Variants in RNASE10 observed in about 807,000 individuals in gnomAD.
The protein encoded by RNASE10 is inactive ribonuclease-like protein 10.
Under a neutral mutation model 1.1 loss-of-function variants are expected in RNASE10, and 2 were observed. That is an observed-to-expected ratio of 1.82 (90% confidence interval 0.74 to 5.73). RNASE10 has a LOEUF of 5.73. Ranked by LOEUF, RNASE10 falls within the 30% of genes most tolerant of loss-of-function variation. The probability of loss-of-function intolerance (pLI) is 0.05; values close to 1 mark genes in which losing one functional copy is unlikely to be tolerated. For synonymous variants in RNASE10, 97 were observed against 96.2 expected, an observed-to-expected ratio of 1.01 and a Z score of -0.05; for missense variants, 276 against 263.4, an observed-to-expected ratio of 1.05 and a Z score of -0.33.
At chr14:20,510,555 T>C (rs1370783890) in exon 2 of RNASE10, 2 of 1,614,094 alleles carry the variant, frequency 1.2e-6, no homozygotes, top group African/African-American at 1.3e-5. Context: ...TGGGACTTCA[T>C]ATGGCTACAG....
upstream of RNASE10, among the ~76,000 whole-genome samples, chr14:20,504,567 A>G (rs1882641117): frequency 2.7e-5 from 4 of 149,944 alleles, no homozygotes; most frequent in East Asian, 2.0e-4. Context: ...GGGCGCCTGT[A>G]GTCCCAGCTA....
exon 2 of RNASE10, chr14:20,510,489 G>A (rs1169089929): frequency 1.2e-6 from 2 of 1,611,294 alleles, no homozygotes; most frequent in Non-Finnish European, 1.7e-6. Context: ...TGAATCTGGT[G>A]CAGATCTTTT....
chr14:20,504,857 A>G (rs9652412), upstream of RNASE10, among the ~76,000 whole-genome samples: 7,573 of 151,728 alleles, frequency 0.05, 543 homozygotes, highest in African/African-American at 0.17. Flanking sequence ...CCTGAGGCCA[A>G]CGTAGCCTCA....
At chr14:20,506,639 G>A (rs1233763818) in intron 1 of RNASE10, among the ~76,000 whole-genome samples, 1 of 103,774 alleles carries the variant, frequency 9.6e-6, no homozygotes, top group Non-Finnish European at 1.9e-5. Context: ...CCCCCGCCTG[G>A]CCAGCCGCCC....
downstream of RNASE10, among the ~76,000 whole-genome samples, chr14:20,511,720 C>CT (rs1235306997): frequency 2.0e-5 from 3 of 152,284 alleles, no homozygotes; most frequent in Admixed American, 6.5e-5. Flanking sequence ...GAATAGAACT[C>CT]TTTTTTCTTG....
chr14:20,510,669 A>C lies in RNASE10; in HGVS notation c.282A>C (p.Glu94Asp), dbSNP rs1487593946. 7 of 1,614,084 alleles carry C rather than the reference A, an allele frequency of 4.3e-6. 1 individual carries two copies. The South Asian group carries it at 7.7e-5, about 18-fold the overall frequency. Residue 94 changes from glutamate (E) to aspartate (D), a missense_variant, in exon 2 of 2, where the codon GAA becomes GAC. Transcript: ENST00000430083. ...AGGGAGACGGCACCCAAACCACAGA[A>C]ACGCTGGTGCTTAGCAACAAAGAAG...
chr14:20,510,122 A>C (rs1484594605), intron 1 of RNASE10, among the ~76,000 whole-genome samples: 3 of 149,548 alleles, frequency 2.0e-5, no homozygotes, highest in Non-Finnish European at 4.4e-5. Context: ...CTGTCTCAAA[A>C]GGAAAAAAAA....
upstream of RNASE10, among the ~76,000 whole-genome samples, chr14:20,504,527 AAAT>A (rs1343529800): frequency 6.6e-6 from 1 of 151,476 alleles, no homozygotes; most frequent in African/African-American, 2.4e-5. Context: ...CTCTACTAAA[AAAT>A]ACAAAAAATT....
chr14:20,504,941 G>A (rs529182919), upstream of RNASE10, among the ~76,000 whole-genome samples: 63 of 152,160 alleles, frequency 4.1e-4, no homozygotes, highest in African/African-American at 1.5e-3. Context: ...ACACCACTGC[G>A]AGGCTCCAAA....
chr14:20,508,455 T>G (rs948096019), intron 1 of RNASE10, among the ~76,000 whole-genome samples: 1 of 152,228 alleles, frequency 6.6e-6, no homozygotes, highest in Non-Finnish European at 1.5e-5. Context: ...AGCGTGTCCA[T>G]GTTGTAGACA....
At chr14:20,506,973 C>A (rs1265036269) in intron 1 of RNASE10, among the ~76,000 whole-genome samples, 2,337 of 132,790 alleles carry the variant, frequency 0.018, 1 homozygote, top group Middle Eastern at 0.03. Context: ...CCAGCCGCCC[C>A]GTCCGGGAGG....
upstream of RNASE10, among the ~76,000 whole-genome samples, chr14:20,505,061 C>T (rs528527619): frequency 1.3e-5 from 2 of 152,018 alleles, no homozygotes; most frequent in South Asian, 4.2e-4. Context: ...GAATGTGAAT[C>T]CTGAAAGTGC....
chr14:20,510,587 AAC>A lies in RNASE10; in HGVS notation c.201_202del (p.Gln67HisfsTer4). ...ACAGCAGTCTTGGAGGAGAGTGATCAACCGCTCAATGAATTTTGGTCCAGTGA... is the reference window on the plus strand; with the variant it reads ...ACAGCAGTCTTGGAGGAGAGTGATCACGCTCAATGAATTTTGGTCCAGTGA... On this transcript the variant is annotated frameshift_variant, in exon 2 of 2. Coordinates refer to ENST00000430083, the Ensembl canonical transcript of RNASE10. LOFTEE classifies it low-confidence loss of function (END_TRUNC). 6.2e-7 allele frequency: 1 copy of A among 1,614,164 alleles called. No homozygotes were observed. Among genetic ancestry groups the A allele is most frequent in the Non-Finnish European group, 8.5e-7 (1 of 1,180,032 alleles).
At chr14:20,504,687 C>CAAACAAAAAAAAAAAAA (rs1882645893), upstream of RNASE10, among the ~76,000 whole-genome samples, 1 of 44,552 alleles carries the variant, frequency 2.2e-5, no homozygotes, top group Admixed American at 2.7e-4. Flanking sequence ...GACTCCGTCT[C>CAAACAAAAAAAAAAAAA]AAAAAAAAAA....
At chr14:20,506,562 A>T (rs1351699854) in intron 1 of RNASE10, among the ~76,000 whole-genome samples, 2 of 97,928 alleles carry the variant, frequency 2.0e-5, no homozygotes, top group African/African-American at 8.9e-5. Context: ...GGCCGCCCCT[A>T]CTGGGAAGTG....
chr14:20,507,498 C>T (rs1202561014), intron 1 of RNASE10, among the ~76,000 whole-genome samples: 1 of 136,556 alleles, frequency 7.3e-6, no homozygotes, highest in Non-Finnish European at 1.6e-5. Flanking sequence ...GGGTCCTCTG[C>T]CTAGGAAAAC....
downstream of RNASE10, among the ~76,000 whole-genome samples, chr14:20,512,562 G>A (rs1350824975): frequency 1.3e-5 from 2 of 152,192 alleles, no homozygotes; most frequent in Non-Finnish European, 2.9e-5. Context: ...GCATTTTCCT[G>A]TTCTTTCTGT....
At chr14:20,512,505 A>G (rs1383226946), downstream of RNASE10, among the ~76,000 whole-genome samples, 4 of 152,180 alleles carry the variant, frequency 2.6e-5, no homozygotes, top group Non-Finnish European at 5.9e-5. Context: ...ACATACATAA[A>G]TGGGAGACTG....
chr14:20,511,201 CT>C (rs1882892927), downstream of RNASE10: 1 of 1,152,778 alleles, frequency 8.7e-7, no homozygotes. Context: ...TATAGTTCTC[CT>C]GATCTTAGGT....
Sources: gnomAD v4.1 joint callset for allele counts (sites outside exome capture counted in the v4.1 genomes callset) on GRCh38, gnomAD v4.1.1 for gene constraint, MANE v1.5 for transcripts, NCBI Gene and HGNC (gene_info 2026-07-23, HGNC 2026-07-21) for gene names.